SEMA3A: variants seen among roughly 807,000 people sequenced by gnomAD.
The protein encoded by SEMA3A is semaphorin-3A.
SEMA3A carries 29 observed loss-of-function variants against 97.9 expected under a neutral mutation model. That is an observed-to-expected ratio of 0.30 (90% CI 0.22 to 0.40). SEMA3A has a LOEUF of 0.40. Ranked by LOEUF, SEMA3A falls within the 10% of genes least tolerant of loss-of-function variation. The probability of loss-of-function intolerance (pLI) is 1.00; values close to 1 mark genes in which losing one functional copy is unlikely to be tolerated. For synonymous variants in SEMA3A, 321 were observed against 323.7 expected, an observed-to-expected ratio of 0.99 and a Z score of 0.09; for missense variants, 763 against 951.3, an observed-to-expected ratio of 0.80 and a Z score of 2.60.
chr7:83,960,008 T>A lies in SEMA3A; in HGVS notation c.*1363A>T, dbSNP rs1040081111. ...ATACTTTGTAGAAAAGTCCCTCCCA[T>A]TGATATGAAAAGAGTCATGTGTTTC... On this transcript the variant is annotated 3_prime_UTR_variant, in exon 17 of 17. Transcript: ENST00000265362. The A allele has an allele frequency of 6.6e-6, 1 of 152,068 alleles. No homozygotes were observed. The highest frequency in any genetic ancestry group is 1.5e-5 in the Non-Finnish European group (1 of 67,956). 9.4% of individuals were successfully genotyped at this position (152,068 alleles called of 1,614,324 possible). A position where few individuals can be genotyped will look rare whatever the true frequency, so the allele number is the denominator to read the frequency against.
chr7:84,421,686 G>A (rs1231037583), intron 1 of SEMA3A, among the ~76,000 whole-genome samples: 2 of 152,030 alleles, frequency 1.3e-5, no homozygotes, highest in East Asian at 1.9e-4. Flanking sequence ...TTTGAGATAC[G>A]TTCCATCAAT....
At chr7:84,166,422 T>C (rs550665565) in intron 1 of SEMA3A, among the ~76,000 whole-genome samples, 2 of 148,590 alleles carry the variant, frequency 1.3e-5, no homozygotes, top group African/African-American at 5.0e-5. Context: ...AAATACAAAA[T>C]TAGCCAGGCG....
At chr7:84,424,876 A>G (rs1309647786) in intron 1 of SEMA3A, among the ~76,000 whole-genome samples, 9 of 65,398 alleles carry the variant, frequency 1.4e-4, no homozygotes, top group African/African-American at 7.3e-4. Flanking sequence ...ATATAAATAT[A>G]TAATATTATA....
At chr7:84,471,030 A>T (rs566368372) in intron 1 of SEMA3A, among the ~76,000 whole-genome samples, 60 of 152,092 alleles carry the variant, frequency 3.9e-4, no homozygotes, top group Non-Finnish European at 7.9e-4. Context: ...AAGCAAATAC[A>T]CTGAAATGGG....
intron 1 of SEMA3A, among the ~76,000 whole-genome samples, chr7:84,426,841 T>C (rs1804841142): frequency 6.6e-6 from 1 of 152,176 alleles, no homozygotes; most frequent in Non-Finnish European, 1.5e-5. Context: ...AATTTTTTCT[T>C]AATCTCCTTT....
chr7:84,085,104 G>C (rs6974271), intron 4 of SEMA3A, among the ~76,000 whole-genome samples: 1 of 151,846 alleles, frequency 6.6e-6, no homozygotes, highest in East Asian at 1.9e-4. Context: ...ATTTAGAAAG[G>C]GATCTCTTTC....
intron 3 of SEMA3A, among the ~76,000 whole-genome samples, chr7:84,280,364 A>C (rs924063292): frequency 2.6e-5 from 4 of 152,196 alleles, no homozygotes; most frequent in Admixed American, 6.6e-5. Flanking sequence ...CTTGTTGTAA[A>C]AGACCACTGT....
intron 1 of SEMA3A, among the ~76,000 whole-genome samples, chr7:84,408,442 GT>G (rs1181722230): frequency 3.7e-4 from 56 of 151,430 alleles, no homozygotes; most frequent in Admixed American, 1.3e-3. Context: ...TACACTGTTG[GT>G]GGGACTGTAA....
chr7:84,459,778 AGAACTCTGGG>A (rs2116384873), intron 1 of SEMA3A, among the ~76,000 whole-genome samples: 1 of 152,330 alleles, frequency 6.6e-6, no homozygotes, highest in South Asian at 2.1e-4. Context: ...CTGTAATCCC[AGAACTCTGGG>A]AGGCCAAAGC....
At chr7:84,145,450 AT>A (rs1396595724) in intron 1 of SEMA3A, among the ~76,000 whole-genome samples, 1 of 152,212 alleles carries the variant, frequency 6.6e-6, no homozygotes, top group Admixed American at 6.5e-5. Context: ...AAAAGTAAAT[AT>A]AAAAATATCT....
intron 6 of SEMA3A, among the ~76,000 whole-genome samples, chr7:84,044,539 G>A (rs1287345128): frequency 6.6e-6 from 1 of 152,072 alleles, no homozygotes; most frequent in Non-Finnish European, 1.5e-5. Context: ...GCTAAGAGAA[G>A]AGATTGAAAA....
intron 1 of SEMA3A, among the ~76,000 whole-genome samples, chr7:84,193,386 C>A (rs1252037951): frequency 6.6e-6 from 1 of 151,876 alleles, no homozygotes; most frequent in Non-Finnish European, 1.5e-5. Context: ...TCTACAAATA[C>A]CTTCAATAAT....
intron 4 of SEMA3A, among the ~76,000 whole-genome samples, chr7:84,100,432 A>C (rs551500311): frequency 6.6e-6 from 1 of 152,152 alleles, no homozygotes; most frequent in South Asian, 2.1e-4. Flanking sequence ...ATCATGAAAA[A>C]CCTTACTTTT....
At chr7:83,985,868 A>G (rs1352770854) in intron 12 of SEMA3A, among the ~76,000 whole-genome samples, 1 of 152,196 alleles carries the variant, frequency 6.6e-6, no homozygotes, top group African/African-American at 2.4e-5. Flanking sequence ...ATGTGGTCAA[A>G]AAGCAGGGGT....
At chr7:84,363,519 T>C (rs996780306) in intron 2 of SEMA3A, among the ~76,000 whole-genome samples, 3 of 151,978 alleles carry the variant, frequency 2.0e-5, no homozygotes, top group African/African-American at 4.8e-5. Flanking sequence ...ATAAAATATC[T>C]ATACAGATTT....
At chr7:83,999,166 T>C (rs914784613) in intron 12 of SEMA3A, among the ~76,000 whole-genome samples, 1 of 152,188 alleles carries the variant, frequency 6.6e-6, no homozygotes, top group Non-Finnish European at 1.5e-5. Context: ...ATGTGGGATT[T>C]ATTCTTGTCC....
intron 1 of SEMA3A, among the ~76,000 whole-genome samples, chr7:84,162,178 A>T (rs1797056361): frequency 6.6e-6 from 1 of 152,188 alleles, no homozygotes; most frequent in East Asian, 1.9e-4. Context: ...AAGCTCTTGT[A>T]TGTTTGGAAT....
At chr7:84,173,401 T>C (rs1229502368) in intron 1 of SEMA3A, among the ~76,000 whole-genome samples, 2 of 151,532 alleles carry the variant, frequency 1.3e-5, no homozygotes, top group Non-Finnish European at 2.9e-5. Context: ...ACTAAAAAGA[T>C]ACAAAAAATT....
Position 84,150,968 on chromosome 7 carries a change from C to CA in SEMA3A, c.113-16018dup, listed in dbSNP as rs567977596. Among the ~76,000 whole-genome samples, 125 of 148,380 alleles carry CA rather than the reference C, an allele frequency of 8.4e-4. 2 individuals carry two copies. The East Asian group carries it at 0.02, about 23-fold the overall frequency. ...AGCAGCCTAACTGGGAGGCACCCCC[C>CA]AGCAGGGGCACACTGACACCTCACA... On this transcript the variant is annotated intron_variant, in intron 1 of 16. Coordinates refer to ENST00000265362, the MANE Select transcript of SEMA3A (RefSeq NM_006080.3).
Sources: gnomAD v4.1 joint callset for allele counts (sites outside exome capture counted in the v4.1 genomes callset) on GRCh38, gnomAD v4.1.1 for gene constraint, MANE v1.5 for transcripts, NCBI Gene and HGNC (gene_info 2026-07-23, HGNC 2026-07-21) for gene names.